The following METAP2 variants were observed in gnomAD, a reference collection of about 807,000 sequenced individuals.
METAP2 encodes methionyl aminopeptidase 2.
Under a neutral mutation model 59.4 loss-of-function variants are expected in METAP2, and 25 were observed. The ratio of observed to expected loss-of-function variants is 0.42; its 90% confidence interval spans 0.31 to 0.59. The LOEUF (loss-of-function observed/expected upper bound fraction) is 0.59. Ranked by LOEUF, METAP2 falls within the 20% of genes least tolerant of loss-of-function variation. The pLI is 0.16. For missense variants in METAP2, 366 were observed against 581.2 expected (o/e 0.63, Z 3.81); for synonymous variants, 214 against 194.1 (o/e 1.10, Z -0.85).
intron 9 of METAP2, 47 bp from the exon 10 acceptor site, chr12:95,512,754 C>A: frequency 4.9e-6 from 5 of 1,024,724 alleles, no homozygotes; most frequent in South Asian, 1.4e-5. Flanking sequence ...GTGATTCGTT[C>A]TGAATTTTTC....
rs2076435426 is a variant in METAP2, at chr12:95,514,926, T to G, written c.*1022T>G. On this transcript the variant is annotated 3_prime_UTR_variant, in exon 11 of 11. Transcript: ENST00000323666. The stretch of plus-strand genomic sequence containing the variant: ...CTAGTGGTATTTCAGGAAGTGACGT[T>G]ACAGTTACTTTCCTTATAGCGGCTA... 1 of 152,578 alleles carries G rather than the reference T, an allele frequency of 6.6e-6. No individual in the cohort carries two copies. Among genetic ancestry groups the G allele is most frequent in the Non-Finnish European group, 1.5e-5 (1 of 68,048 alleles). The allele number at this position is 152,578 out of a possible 1,614,324, so 9.5% of individuals were successfully genotyped here. A position where few individuals can be genotyped will look rare whatever the true frequency, so the allele number is the denominator to read the frequency against.
intron 9 of METAP2, 147 bp from the exon 10 acceptor site, chr12:95,512,654 G>T (rs1341681532): frequency 7.4e-6 from 4 of 543,804 alleles, no homozygotes; most frequent in African/African-American, 5.9e-5. Flanking sequence ...GGAGGTTGCA[G>T]TGAGCCAAGA....
chr12:95,490,047 T>G (rs1470041259), intron 4 of METAP2, among the ~76,000 whole-genome samples: 1 of 152,048 alleles, frequency 6.6e-6, no homozygotes, highest in Non-Finnish European at 1.5e-5. Flanking sequence ...AAGACAGATA[T>G]AAGGCAAATG....
At chr12:95,511,037 G>A (rs910990614) in intron 8 of METAP2, among the ~76,000 whole-genome samples, 2 of 151,976 alleles carry the variant, frequency 1.3e-5, no homozygotes, top group African/African-American at 4.8e-5. Flanking sequence ...TTATTCCCTC[G>A]TGAATATGCC....
intron 7 of METAP2, among the ~76,000 whole-genome samples, chr12:95,497,572 A>G (rs561289643): frequency 5.3e-5 from 8 of 152,306 alleles, no homozygotes; most frequent in South Asian, 2.1e-4. Flanking sequence ...TCTGTTTTCA[A>G]TTCTTGGGTA....
At chr12:95,505,965 C>T (rs1196782622) in intron 8 of METAP2, among the ~76,000 whole-genome samples, 7 of 151,550 alleles carry the variant, frequency 4.6e-5, no homozygotes, top group Admixed American at 4.6e-4. Flanking sequence ...GGCGTGATGG[C>T]ACACACCTGT....
At chr12:95,511,389 GTTTTTTTT>G (rs11301070) in intron 8 of METAP2, among the ~76,000 whole-genome samples, 3 of 61,132 alleles carry the variant, frequency 4.9e-5, no homozygotes, top group African/African-American at 1.3e-4. Context: ...TTCTAGCACC[GTTTTTTTT>G]TTTTTTTTTT....
chr12:95,492,477 T>C (rs1205815064), intron 4 of METAP2, among the ~76,000 whole-genome samples: 1 of 152,142 alleles, frequency 6.6e-6, no homozygotes, highest in Non-Finnish European at 1.5e-5. Flanking sequence ...TTATTGTTAA[T>C]AACTTTCTAT....
chr12:95,485,638 G>A (rs1035987715), intron 3 of METAP2, among the ~76,000 whole-genome samples: 7 of 152,074 alleles, frequency 4.6e-5, no homozygotes, highest in Non-Finnish European at 8.8e-5. Flanking sequence ...CTTTTGCCAA[G>A]GCATATACTG....
In METAP2 at chr12:95,505,430, C is replaced by T. The variant is rs562701638; in HGVS notation, c.964+1269C>T. Among the ~76,000 whole-genome samples, 13 of 152,172 alleles carry T rather than the reference C, an allele frequency of 8.5e-5. No individual in the cohort carries two copies. In the East Asian group the frequency reaches 9.7e-4, roughly 11 times the overall value. On this transcript the variant is annotated intron_variant, in intron 8 of 10. Transcript: ENST00000323666. ...GCAACCTTTGCCTCCTGGGTTCAAG[C>T]GATTCTGCCTCAGCCTCCTCATTAG...
At chr12:95,503,631 A>G (rs555226797) in intron 7 of METAP2, among the ~76,000 whole-genome samples, 1 of 152,332 alleles carries the variant, frequency 6.6e-6, no homozygotes, top group South Asian at 2.1e-4. Flanking sequence ...TGTTTAGGAC[A>G]TAGACTGTTC....
At chr12:95,483,465 G>C in intron 3 of METAP2, 185 bp downstream of exon 3, 4 of 168,774 alleles carry the variant, frequency 2.4e-5, no homozygotes, top group Non-Finnish European at 3.2e-5. Context: ...AACAGAGTGA[G>C]ACTCTGTCTC....
At chr12:95,506,805 T>TATTTATTTA (rs1338546530) in intron 8 of METAP2, among the ~76,000 whole-genome samples, 2 of 151,270 alleles carry the variant, frequency 1.3e-5, no homozygotes, top group Non-Finnish European at 2.9e-5. Context: ...CTTATTTATT[T>TATTTATTTA]ATTTATTTAT....
At position 95,503,077 on chromosome 12, in the gene METAP2, G is replaced by C. The variant is rs1244349418; in HGVS notation, c.868-988G>C. 2.0e-5 allele frequency among the ~76,000 whole-genome samples: 3 copies of C among 151,080 alleles called. No individual in the cohort carries two copies. The East Asian group carries it at 5.8e-4, about 29-fold the overall frequency. Reference sequence around the variant, plus strand: ...TGTTTTTTCAGGGATAGTTTCTGTCGATTTATTATTTTCCTTTGATGGGTG... The same window carrying C: ...TGTTTTTTCAGGGATAGTTTCTGTCCATTTATTATTTTCCTTTGATGGGTG... On this transcript the variant is annotated intron_variant, in intron 7 of 10. Coordinates refer to ENST00000323666, the MANE Select transcript of METAP2 (RefSeq NM_006838.4).
chr12:95,486,248 C>T (rs1472509660), intron 4 of METAP2, among the ~76,000 whole-genome samples: 1 of 151,328 alleles, frequency 6.6e-6, no homozygotes, highest in East Asian at 1.9e-4. Context: ...TGTTTTTCAC[C>T]TCTCTTGAAA....
chr12:95,478,214 A>G (rs922100503), intron 2 of METAP2, among the ~76,000 whole-genome samples: 5 of 152,198 alleles, frequency 3.3e-5, no homozygotes, highest in African/African-American at 7.2e-5. Context: ...GAAATCTTCA[A>G]TGTATTAAAG....
chr12:95,511,485 G>A (rs1206659903), intron 8 of METAP2, among the ~76,000 whole-genome samples: 5 of 135,974 alleles, frequency 3.7e-5, no homozygotes, highest in African/African-American at 5.5e-5. Context: ...TCCGCTTCCC[G>A]GGTTCAAGTG....
rs534733026 is a variant in METAP2, at chr12:95,482,884, G to A, written c.260-331G>A. ...TCAACCCACGTAAGTCCTAGATCAC[G>A]TTACCTCCCACTTTGCTAAACTGCT... On this transcript the variant is annotated intron_variant, in intron 2 of 10. Coordinates refer to ENST00000323666, the MANE Select transcript of METAP2 (RefSeq NM_006838.4). Among the ~76,000 whole-genome samples, 9 of 152,248 alleles carry A rather than the reference G, an allele frequency of 5.9e-5. No individual in the cohort carries two copies. In the South Asian group the frequency reaches 1.2e-3, roughly 21 times the overall value.
intron 4 of METAP2, among the ~76,000 whole-genome samples, chr12:95,488,019 G>C (rs906391060): frequency 6.6e-6 from 1 of 152,110 alleles, no homozygotes; most frequent in East Asian, 1.9e-4. Context: ...TCTTTCTCAT[G>C]TACTGGTAGT....
Sources: gnomAD v4.1 joint callset for allele counts (sites outside exome capture counted in the v4.1 genomes callset) on GRCh38, gnomAD v4.1.1 for gene constraint, MANE v1.5 for transcripts, NCBI Gene and HGNC (gene_info 2026-07-23, HGNC 2026-07-21) for gene names.